The following F13B variants were observed in gnomAD, a reference collection of about 807,000 sequenced individuals.
The protein encoded by F13B is TGase.
F13B carries 58 observed loss-of-function variants against 79.8 expected under a neutral mutation model. That is an observed-to-expected ratio of 0.73 (90% confidence interval 0.59 to 0.90). F13B has a LOEUF of 0.90. F13B is among the 40% of genes least tolerant of loss of function. The pLI is 0.00. For missense variants in F13B, 773 were observed against 777.0 expected, an observed-to-expected ratio of 0.99 and a Z score of 0.06; for synonymous variants, 283 against 260.3, an observed-to-expected ratio of 1.09 and a Z score of -0.84.
chr1:197,047,828 A>T (rs1571554942), intron 10 of F13B, among the ~76,000 whole-genome samples: 1 of 152,314 alleles, frequency 6.6e-6, no homozygotes. Flanking sequence ...GGATGAGTTC[A>T]TGCCCTTTGC....
chr1:197,050,167 A>G lies in F13B; in HGVS notation c.1738+530T>C, dbSNP rs138029581. Among the ~76,000 whole-genome samples the G allele has an allele frequency of 2.2e-3, 334 of 152,252 alleles. 2 individuals are homozygous for G. The highest frequency in any genetic ancestry group is 7.6e-3 in the African/African-American group (317 of 41,566). ...CTGAAGTCCTAGCCAGTGAAAGAAG[A>G]TAAGAGAAGTAAATAAAAGTCAGAA... On this transcript the variant is annotated intron_variant, in intron 10 of 11. Coordinates refer to ENST00000367412, the MANE Select transcript of F13B (RefSeq NM_001994.3).
chr1:197,053,714 C>T (rs1016103776), intron 8 of F13B, among the ~76,000 whole-genome samples: 13 of 152,086 alleles, frequency 8.5e-5, no homozygotes, highest in African/African-American at 2.9e-4. Flanking sequence ...AACAAAAGAG[C>T]TAGGTGAAGA....
intron 10 of F13B, among the ~76,000 whole-genome samples, chr1:197,049,913 A>G (rs1343410559): frequency 6.6e-6 from 1 of 152,180 alleles, no homozygotes; most frequent in Non-Finnish European, 1.5e-5. Context: ...GGGAAAAAAC[A>G]AAAGTAATAA....
In F13B at chr1:197,055,850, C is replaced by T; in HGVS notation, c.1219G>A (p.Val407Ile). The change falls in exon 8 of 12, where the codon GTT (valine) becomes ATT (isoleucine). Residue 407 changes from valine to isoleucine, a missense_variant. By Grantham distance (29) the Val-to-Ile change is conservative. Coordinates refer to ENST00000367412, the MANE Select transcript of F13B (RefSeq NM_001994.3). ...KHPPVVMNGAVADGILASYAT... is the reference protein window; with the variant it reads ...KHPPVVMNGAIADGILASYAT... ...TAGCTTGCCAATATCCCGTCTGCAA[C>T]AGCCCCATTCATTACAACAGGAGGA... 1 of 1,613,564 alleles carries T rather than the reference C, an allele frequency of 6.2e-7. No homozygotes were observed. The highest frequency in any genetic ancestry group is 8.5e-7 in the Non-Finnish European group (1 of 1,179,722).
rs1159732571 is a variant in F13B, at chr1:197,061,882, C to T, written c.353G>A (p.Cys118Tyr). 1.2e-6 allele frequency: 2 copies of T among 1,613,162 alleles called. No individual in the cohort carries two copies. The highest frequency in any genetic ancestry group is 4.5e-5 in the East Asian group (2 of 44,794). ...TCCAGTGGTTTTGTACCCTGAAGCG[C>T]AACCATAACGCATGTTCTCTTGAAT... ...YKIQENMRYGCASGYKTTGGK... is the reference protein window; with the variant it reads ...YKIQENMRYGYASGYKTTGGK... The change falls in exon 3 of 12, where the codon TGC becomes TAC. Residue 118 changes from cysteine (C) to tyrosine (Y), a missense_variant. Transcript: ENST00000367412.
At chr1:197,041,503 T>C (rs187589826) in intron 10 of F13B, among the ~76,000 whole-genome samples, 1 of 152,296 alleles carries the variant, frequency 6.6e-6, no homozygotes, top group East Asian at 1.9e-4. Flanking sequence ...CTGGATGACC[T>C]AGCATTAAGG....
chr1:197,050,960 C>G (rs1016290442), intron 9 of F13B, 81 bp from the exon 10 acceptor site: 2 of 1,186,204 alleles, frequency 1.7e-6, no homozygotes, highest in Admixed American at 3.7e-5. Flanking sequence ...GAGACAGAGT[C>G]TCCCTCTGTC....
chr1:197,055,907 G>A lies in F13B; in HGVS notation c.1172-10C>T. 1 of 1,611,908 alleles carries A rather than the reference G, an allele frequency of 6.2e-7. No homozygotes were observed. Among genetic ancestry groups the A allele is most frequent in the Non-Finnish European group, 8.5e-7 (1 of 1,178,496 alleles). ...CAATTCTCATTATTTTCTAAGAAAA[G>A]AGGTTGTTTTAAAATTAATATGAGC... On this transcript the variant is annotated splice_polypyrimidine_tract_variant and intron_variant, in intron 7 of 11. Transcript: ENST00000367412.
Position 197,039,485 on chromosome 1 carries a change from C to T in F13B, c.1953-74G>A, listed in dbSNP as rs920941408. 1.2e-5 allele frequency: 14 copies of T among 1,169,964 alleles called. No individual in the cohort carries two copies. The African/African-American group carries it at 2.1e-4, about 18-fold the overall frequency. The allele number at this position is 1,169,964 out of a possible 1,614,324, so 72.5% of individuals were successfully genotyped here. A position where few individuals can be genotyped will look rare whatever the true frequency, so the allele number is the denominator to read the frequency against. ...GGTGTTAATTACAATCTCAGCCTTT[C>T]AATTTTTCATATAATGAGTCATTGT... On this transcript the variant is annotated intron_variant, in intron 11 of 11. Transcript: ENST00000367412.
chr1:197,059,661 A>G (rs1422183126), intron 5 of F13B, among the ~76,000 whole-genome samples: 1 of 152,220 alleles, frequency 6.6e-6, no homozygotes, highest in African/African-American at 2.4e-5. Flanking sequence ...TCTAATGTTT[A>G]TTCCTGCACT....
intron 10 of F13B, among the ~76,000 whole-genome samples, chr1:197,041,342 A>G (rs1655029699): frequency 6.6e-6 from 1 of 152,186 alleles, no homozygotes; most frequent in Admixed American, 6.5e-5. Flanking sequence ...TTTCCCATGT[A>G]TCGTAAACCA....
chr1:197,049,760 A>G (rs1222153115), intron 10 of F13B, among the ~76,000 whole-genome samples: 1 of 152,134 alleles, frequency 6.6e-6, no homozygotes, highest in Non-Finnish European at 1.5e-5. Flanking sequence ...AGTCTTTCTC[A>G]TGAAAATAGA....
At position 197,040,710 on chromosome 1, in the gene F13B, T is replaced by G; in HGVS notation, c.1764A>C (p.Glu588Asp). The G allele has an allele frequency of 6.2e-7, 1 of 1,611,454 alleles. No individual in the cohort carries two copies. The highest frequency in any genetic ancestry group is 8.5e-7 in the Non-Finnish European group (1 of 1,178,266). ...TCAGAAGTAAATTATTCTTTTCCATTTCAGTAAAAGATAATGTGCATGGCT... is the reference window on the plus strand; with the variant it reads ...TCAGAAGTAAATTATTCTTTTCCATGTCAGTAAAAGATAATGTGCATGGCT... ...CLEPCTLSFT[E>D]MEKNNLLLKW... Residue 588 changes from glutamate to aspartate, a missense_variant, in exon 11 of 12, where the codon GAA (glutamate) becomes GAC (aspartate). Glu to Asp is a conservative substitution (Grantham distance 45). Coordinates refer to ENST00000367412, the MANE Select transcript of F13B (RefSeq NM_001994.3).
At position 197,057,050 on chromosome 1, in the gene F13B, A is replaced by G. The variant is rs1655668068; in HGVS notation, c.1134T>C (p.Cys378=). ...YLLHGSNEIT[C]NRGKWTLPPE... ...GAGGAAGTGTCCATTTTCCACGATTACAAGTTATCTCATTCGATCCATGGA... is the reference window on the plus strand; with the variant it reads ...GAGGAAGTGTCCATTTTCCACGATTGCAAGTTATCTCATTCGATCCATGGA... Residue 378 remains cysteine (C), a synonymous_variant, in exon 7 of 12, where the codon TGT becomes TGC. Coordinates refer to ENST00000367412, the MANE Select transcript of F13B (RefSeq NM_001994.3). The G allele has an allele frequency of 6.2e-7, 1 of 1,613,818 alleles. No individual in the cohort carries two copies. Among genetic ancestry groups the G allele is most frequent in the Non-Finnish European group, 8.5e-7 (1 of 1,179,888 alleles).
chr1:197,049,016 T>C (rs917948786), intron 10 of F13B, among the ~76,000 whole-genome samples: 2 of 152,008 alleles, frequency 1.3e-5, no homozygotes, highest in African/African-American at 4.8e-5. Flanking sequence ...TCTAAATGAT[T>C]CAGAGCACAG....
At chr1:197,041,583 C>T (rs1324562333) in intron 10 of F13B, among the ~76,000 whole-genome samples, 3 of 135,290 alleles carry the variant, frequency 2.2e-5, no homozygotes, top group Non-Finnish European at 3.2e-5. Flanking sequence ...ACCTGTAGTA[C>T]ATTAACAAAC....
At chr1:197,050,163 GAAGAT>G (rs1558306283) in intron 10 of F13B, among the ~76,000 whole-genome samples, 1 of 152,064 alleles carries the variant, frequency 6.6e-6, no homozygotes, top group Non-Finnish European at 1.5e-5. Context: ...GCCAGTGAAA[GAAGAT>G]AAGAGAAGTA....
At chr1:197,052,081 G>C (rs964301963) in intron 9 of F13B, among the ~76,000 whole-genome samples, 2 of 151,988 alleles carry the variant, frequency 1.3e-5, no homozygotes, top group Non-Finnish European at 2.9e-5. Context: ...TGGCATTTTC[G>C]TCATTAAGTA....
Position 197,061,974 on chromosome 1 carries a change from G to T in F13B, c.266-5C>A, listed in dbSNP as rs754539805. ...GGTCAGGCTTAGTGCATTTTTCTAT[G>T]GGAAAAAAAATTATTTAACTTAATG... On this transcript the variant is annotated splice_region_variant and splice_polypyrimidine_tract_variant and intron_variant, in intron 2 of 11. Coordinates refer to ENST00000367412, the MANE Select transcript of F13B (RefSeq NM_001994.3). 1.2e-5 allele frequency: 20 copies of T among 1,606,586 alleles called. No individual in the cohort carries two copies. Among genetic ancestry groups the T allele is most frequent in the Non-Finnish European group, 1.7e-5 (20 of 1,175,216 alleles).
Sources: gnomAD v4.1 joint callset for allele counts (sites outside exome capture counted in the v4.1 genomes callset) on GRCh38, gnomAD v4.1.1 for gene constraint, MANE v1.5 for transcripts, NCBI Gene and HGNC (gene_info 2026-07-23, HGNC 2026-07-21) for gene names.